Variants in URB1 observed in about 807,000 individuals in gnomAD.
The protein encoded by URB1 is nucleolar pre-ribosomal-associated protein 1.
Under a neutral mutation model 242.3 loss-of-function variants are expected in URB1, and 197 were observed. The ratio of observed to expected loss-of-function variants is 0.81; its 90% CI spans 0.72 to 0.91. The LOEUF (loss-of-function observed/expected upper bound fraction) is 0.91. URB1 is among the 40% of genes least tolerant of loss of function. URB1 has a pLI of 0.00. For missense variants in URB1, 2,721 were observed against 2,860.5 expected (o/e 0.95, Z 1.11); for synonymous variants, 1,153 against 1,201.8 (o/e 0.96, Z 0.84).
chr21:32,361,399 T>C (rs1231844963), intron 12 of URB1, among the ~76,000 whole-genome samples: 1 of 152,210 alleles, frequency 6.6e-6, no homozygotes, highest in Non-Finnish European at 1.5e-5. Flanking sequence ...ATTTCACTGC[T>C]GTGACCTTAG....
chr21:32,361,273 C>CT, intron 12 of URB1, 150 bp from the exon 13 acceptor site: 1 of 610,868 alleles, frequency 1.6e-6, no homozygotes, highest in Non-Finnish European at 2.8e-6. Context: ...TGGCACCACA[C>CT]TGCAGCCAAC....
intron 5 of URB1, 72 bp from the exon 6 acceptor site, chr21:32,375,555 T>C: frequency 1.1e-6 from 1 of 892,932 alleles, no homozygotes; most frequent in Non-Finnish European, 1.7e-6. Flanking sequence ...AGAATATTAC[T>C]GTTTAGGTGG....
rs1179781060 is a variant in URB1 at position 32,355,475 on chromosome 21, C to T, written c.2080G>A (p.Glu694Lys). 1 of 1,551,884 alleles carries T rather than the reference C, an allele frequency of 6.4e-7. No individual in the cohort carries two copies. Among genetic ancestry groups the T allele is most frequent in the Non-Finnish European group, 8.7e-7 (1 of 1,147,038 alleles). Residue 694 changes from glutamate (E) to lysine (K), a missense_variant, in exon 16 of 39, where the codon GAG becomes AAG. Physicochemically the swap from Glu to Lys is moderately conservative, Grantham distance 56. Transcript: ENST00000382751. ...HLENTMEEDK[E>K]TVIQFLERIL... Reference sequence around the variant, plus strand: ...CGTTCCAGAAACTGAATCACAGTCTCTTTGTCCTCTTCCATGGTGTTCTCT... The same window carrying T: ...CGTTCCAGAAACTGAATCACAGTCTTTTTGTCCTCTTCCATGGTGTTCTCT...
At chr21:32,349,622 G>C in intron 20 of URB1, 139 bp from the exon 21 acceptor site, 4 of 788,392 alleles carry the variant, frequency 5.1e-6, no homozygotes, top group Middle Eastern at 3.8e-4. Context: ...GAGTGTGTGA[G>C]ACACCCATCA....
chr21:32,349,017 A>C (rs1469082096), intron 21 of URB1, among the ~76,000 whole-genome samples: 2 of 152,256 alleles, frequency 1.3e-5, no homozygotes, highest in Non-Finnish European at 2.9e-5. Context: ...CTTTCACTCA[A>C]CACAAGCTGC....
intron 8 of URB1, 68 bp from the exon 9 acceptor site, chr21:32,368,666 G>A: frequency 7.5e-7 from 1 of 1,339,840 alleles, no homozygotes; most frequent in Non-Finnish European, 1.0e-6. Flanking sequence ...AGCTCATGGT[G>A]ACGTGCAGCT....
intron 7 of URB1, among the ~76,000 whole-genome samples, chr21:32,373,317 A>G (rs896076942): frequency 5.9e-5 from 9 of 152,202 alleles, no homozygotes; most frequent in Non-Finnish European, 1.0e-4. Context: ...AAGGATGGGA[A>G]GGCAGAGGTA....
At chr21:32,335,953 C>G (rs937717889) in intron 28 of URB1, among the ~76,000 whole-genome samples, 8 of 152,180 alleles carry the variant, frequency 5.3e-5, no homozygotes, top group African/African-American at 1.7e-4. Flanking sequence ...GGCAGCCTCG[C>G]TTGGCGTTCT....
chr21:32,373,797 T>G (rs775186750), intron 6 of URB1, 25 bp from the exon 7 acceptor site: 1 of 1,486,398 alleles, frequency 6.7e-7, no homozygotes, highest in South Asian at 1.4e-5. Context: ...AAACAAATTA[T>G]TAAAAAACAA....
chr21:32,349,166 GT>G, intron 21 of URB1, 137 bp downstream of exon 21: 1 of 1,232,998 alleles, frequency 8.1e-7, no homozygotes, highest in Non-Finnish European at 1.1e-6. Flanking sequence ...GTGCCAGGAA[GT>G]TTTTATGATC....
At chr21:32,352,534 T>C (rs766463730) in intron 19 of URB1, among the ~76,000 whole-genome samples, 176 bp downstream of exon 19, 9 of 152,222 alleles carry the variant, frequency 5.9e-5, no homozygotes, top group Non-Finnish European at 1.2e-4. Context: ...TCAGTTATGT[T>C]AGCTGAGCAC....
chr21:32,349,239 G>C (rs2033127759), intron 21 of URB1, 65 bp downstream of exon 21: 6 of 1,442,436 alleles, frequency 4.2e-6, no homozygotes, highest in Non-Finnish European at 5.5e-6. Context: ...TTTTTAATCA[G>C]AAGTGAAGAG....
chr21:32,322,839 C>T (rs1419491375), intron 32 of URB1, among the ~76,000 whole-genome samples: 7 of 152,222 alleles, frequency 4.6e-5, no homozygotes, highest in African/African-American at 1.4e-4. Context: ...TCGCACCCTC[C>T]GCCTCCCCAG....
Position 32,383,559 on chromosome 21 carries a change from A to G in URB1, c.435-5T>C. The G allele has an allele frequency of 1.3e-6, 2 of 1,550,312 alleles. 1 individual carries two copies. The highest frequency in any genetic ancestry group is 2.4e-5 in the South Asian group (2 of 83,936). ...CTCAGGCAGGCGCGAGCCAACCTGC[A>G]CAGGGAACCAGAGGAAATCGGACAC... On this transcript the variant is annotated splice_region_variant and splice_polypyrimidine_tract_variant and intron_variant, in intron 3 of 38. Coordinates refer to ENST00000382751, the MANE Select transcript of URB1 (RefSeq NM_014825.3).
chr21:32,355,754 G>C (rs952408074), intron 15 of URB1, among the ~76,000 whole-genome samples, 189 bp from the exon 16 acceptor site: 1 of 152,216 alleles, frequency 6.6e-6, no homozygotes, highest in Non-Finnish European at 1.5e-5. Flanking sequence ...GACTACAGGA[G>C]TGTGCCAACA....
rs898569272 is a variant in URB1 at position 32,332,227 on chromosome 21, A to C, written c.4960+1090T>G. Reference sequence around the variant, plus strand: ...AAACTAGAAACTTTTAGATAGAAACATAAGAAAAATTCCTCAGGATCTAGG... The same window carrying C: ...AAACTAGAAACTTTTAGATAGAAACCTAAGAAAAATTCCTCAGGATCTAGG... On this transcript the variant is annotated intron_variant, in intron 30 of 38. Coordinates refer to ENST00000382751, the MANE Select transcript of URB1 (RefSeq NM_014825.3). Among the ~76,000 whole-genome samples, 3 of 152,260 alleles carry C rather than the reference A, an allele frequency of 2.0e-5. No homozygotes were observed. In the East Asian group the frequency reaches 5.8e-4, roughly 29 times the overall value.
intron 8 of URB1, among the ~76,000 whole-genome samples, chr21:32,369,908 C>G (rs1346103707): frequency 6.8e-6 from 1 of 147,202 alleles, no homozygotes; most frequent in Admixed American, 7.0e-5. Flanking sequence ...CCCAGGACTT[C>G]AAGGCTGCAG....
In URB1 at chr21:32,313,429, A is replaced by G. The variant is rs2032625901; in HGVS notation, c.*1489T>C. The G allele has an allele frequency of 6.6e-6, 1 of 152,216 alleles. No individual in the cohort carries two copies. The highest frequency in any genetic ancestry group is 1.5e-5 in the Non-Finnish European group (1 of 68,050). 9.4% of individuals were successfully genotyped at this position (152,216 alleles called of 1,614,324 possible). A position where few individuals can be genotyped will look rare whatever the true frequency, so the allele number is the denominator to read the frequency against. On this transcript the variant is annotated 3_prime_UTR_variant, in exon 39 of 39. Transcript: ENST00000382751. ...GCTTGCCTGAGTCCAGCTTGGATCT[A>G]AACGTGGGATTTCAAGTTCAGGATA...
At chr21:32,378,340 A>G in intron 5 of URB1, 105 bp downstream of exon 5, 1 of 1,012,112 alleles carries the variant, frequency 9.9e-7, no homozygotes, top group Non-Finnish European at 1.5e-6. Context: ...TGGTGTACAC[A>G]GCAACTGCAA....
Sources: gnomAD v4.1 joint callset for allele counts (sites outside exome capture counted in the v4.1 genomes callset) on GRCh38, gnomAD v4.1.1 for gene constraint, MANE v1.5 for transcripts, NCBI Gene and HGNC (gene_info 2026-07-23, HGNC 2026-07-21) for gene names.